The following UBE2D3 variants were observed in gnomAD, a reference collection of about 807,000 sequenced individuals.
UBE2D3 encodes the protein ubiquitin-conjugating enzyme E2 D3.
A neutral mutation model predicts 22.8 loss-of-function variants in UBE2D3; 2 were observed. The observed-to-expected ratio is 0.09, with a 90% CI of 0.04 to 0.28. The LOEUF (loss-of-function observed/expected upper bound fraction) is 0.28. UBE2D3 is among the 10% of genes least tolerant of loss of function. The pLI is 1.00. For synonymous variants in UBE2D3, 56 were observed against 60.4 expected (o/e 0.93, Z 0.34); for missense variants, 27 against 182.5 (o/e 0.15, Z 4.91).
intron 2 of UBE2D3, chr4:102,825,657 A>G: frequency 1.0e-6 from 1 of 956,434 alleles, no homozygotes; most frequent in Non-Finnish European, 1.5e-6. Context: ...ATAATATACT[A>G]TCAAACCACA....
upstream of UBE2D3, among the ~76,000 whole-genome samples, chr4:102,829,083 A>G (rs1313980319): frequency 6.6e-6 from 1 of 152,234 alleles, no homozygotes; most frequent in Non-Finnish European, 1.5e-5. Context: ...TGTTCAAGTG[A>G]CCATGTAGTG....
chr4:102,825,042 T>C (rs1402766296), intron 2 of UBE2D3, among the ~76,000 whole-genome samples: 1 of 152,366 alleles, frequency 6.6e-6, no homozygotes, highest in African/African-American at 2.4e-5. Context: ...CACGATTTCA[T>C]ATCAATACAT....
chr4:102,829,880 G>C (rs1731020557), upstream of UBE2D3, among the ~76,000 whole-genome samples: 1 of 152,088 alleles, frequency 6.6e-6, no homozygotes, highest in African/African-American at 2.4e-5. Context: ...CGGAGGTTGC[G>C]GTGGGCCAAG....
chr4:102,840,388 A>G (rs983484305), intron 1 of UBE2D3, among the ~76,000 whole-genome samples: 6 of 152,376 alleles, frequency 3.9e-5, no homozygotes, highest in Non-Finnish European at 2.9e-5. Flanking sequence ...ATTGGCCACA[A>G]AAAAGAATGA....
chr4:102,831,123 G>C (rs1731094407), upstream of UBE2D3, among the ~76,000 whole-genome samples: 1 of 152,132 alleles, frequency 6.6e-6, no homozygotes, highest in Non-Finnish European at 1.5e-5. Context: ...CTCTAGTACA[G>C]TGTATACCAT....
chr4:102,866,647 A>G (rs149108667), intron 1 of UBE2D3, among the ~76,000 whole-genome samples: 1 of 152,352 alleles, frequency 6.6e-6, no homozygotes, highest in Non-Finnish European at 1.5e-5. Context: ...TTAAATTTAT[A>G]CAGTCCAGAG....
At chr4:102,827,378 A>G (rs1730736562) in intron 1 of UBE2D3, 49 bp downstream of exon 1, 1 of 985,170 alleles carries the variant, frequency 1.0e-6, no homozygotes, top group Non-Finnish European at 1.2e-6. Flanking sequence ...CCGGCCGGCC[A>G]CTGGGCCGGC....
chr4:102,858,399 G>A (rs1347675940), intron 1 of UBE2D3, among the ~76,000 whole-genome samples: 1 of 151,886 alleles, frequency 6.6e-6, no homozygotes, highest in Non-Finnish European at 1.5e-5. Flanking sequence ...ACGGTTCTTT[G>A]TGATGTTTTT....
chr4:102,808,515 C>A (rs1328467564), intron 4 of UBE2D3, among the ~76,000 whole-genome samples: 1 of 152,128 alleles, frequency 6.6e-6, no homozygotes, highest in Non-Finnish European at 1.5e-5. Context: ...CCTGCCATGT[C>A]TTACTTTGAT....
chr4:102,847,665 A>T (rs906300923), intron 1 of UBE2D3, among the ~76,000 whole-genome samples: 16 of 151,488 alleles, frequency 1.1e-4, no homozygotes, highest in African/African-American at 3.9e-4. Context: ...TTCGTTAGAG[A>T]TAGGGTCCCA....
At chr4:102,822,375 A>T (rs1183649361) in intron 2 of UBE2D3, among the ~76,000 whole-genome samples, 1 of 152,208 alleles carries the variant, frequency 6.6e-6, no homozygotes, top group Non-Finnish European at 1.5e-5. Context: ...CAGCCTATAT[A>T]CTAGTTGGGG....
intron 1 of UBE2D3, among the ~76,000 whole-genome samples, chr4:102,837,845 G>C (rs223373): frequency 0.27 from 41,472 of 152,038 alleles, 6,077 homozygotes; most frequent in African/African-American, 0.38. Flanking sequence ...CCAGCTACTC[G>C]GGAGAGGCTG....
chr4:102,867,100 T>A (rs1457276523), intron 1 of UBE2D3, among the ~76,000 whole-genome samples: 1 of 152,260 alleles, frequency 6.6e-6, no homozygotes, highest in Non-Finnish European at 1.5e-5. Context: ...AACGTGTTTG[T>A]AGAATTTCCA....
Position 102,858,153 on chromosome 4 carries a change from G to C in UBE2D3, c.-129+10562C>G, listed in dbSNP as rs565292832. The stretch of plus-strand genomic sequence containing the variant: ...TAAGTTACTTTAATTCTTTAAGGTT[G>C]TCTTGAGAATTAAAACACATAATGT... On this transcript the variant is annotated intron_variant, in intron 1 of 7. Coordinates refer to the UBE2D3 transcript ENST00000338145. 1.1e-4 allele frequency among the ~76,000 whole-genome samples: 16 copies of C among 152,058 alleles called. 1 individual carries two copies. The highest frequency in any genetic ancestry group is 3.9e-4 in the African/African-American group (16 of 41,516).
intron 1 of UBE2D3, among the ~76,000 whole-genome samples, chr4:102,836,529 C>A (rs1349145517): frequency 6.6e-6 from 1 of 152,104 alleles, no homozygotes; most frequent in Non-Finnish European, 1.5e-5. Context: ...TTTCATTTCT[C>A]TTGAGTAAGT....
chr4:102,816,698 G>C (rs546742981), intron 2 of UBE2D3, among the ~76,000 whole-genome samples: 1 of 152,266 alleles, frequency 6.6e-6, no homozygotes, highest in African/African-American at 2.4e-5. Context: ...ATGAAGCTAA[G>C]TCTTAAAATT....
At chr4:102,830,590 C>T (rs1731066700), upstream of UBE2D3, among the ~76,000 whole-genome samples, 1 of 152,150 alleles carries the variant, frequency 6.6e-6, no homozygotes, top group Non-Finnish European at 1.5e-5. Context: ...TAAAGCTGGG[C>T]TGGTGGCTTA....
intron 2 of UBE2D3, among the ~76,000 whole-genome samples, chr4:102,824,797 T>C (rs1560872069): frequency 6.6e-6 from 1 of 152,258 alleles, no homozygotes; most frequent in Non-Finnish European, 1.5e-5. Context: ...TTTTTATTTG[T>C]ACTGAATGTT....
intron 2 of UBE2D3, among the ~76,000 whole-genome samples, chr4:102,813,635 A>G (rs1311481367): frequency 6.6e-6 from 1 of 152,186 alleles, no homozygotes; most frequent in African/African-American, 2.4e-5. Context: ...TAAACAAATG[A>G]TGTTTATAGC....
Sources: gnomAD v4.1 joint callset for allele counts (sites outside exome capture counted in the v4.1 genomes callset) on GRCh38, gnomAD v4.1.1 for gene constraint, MANE v1.5 for transcripts, NCBI Gene and HGNC (gene_info 2026-07-23, HGNC 2026-07-21) for gene names.